CDPF1: variants seen among roughly 807,000 people sequenced by gnomAD.
The protein encoded by CDPF1 is cysteine-rich DPF motif domain-containing protein 1.
A neutral mutation model predicts 8.3 loss-of-function variants in CDPF1; 8 were observed. The ratio of observed to expected loss-of-function variants is 0.96; its 90% CI spans 0.57 to 1.74. CDPF1 has a LOEUF of 1.74. Ranked by LOEUF, CDPF1 falls within the 40% of genes most tolerant of loss-of-function variation. The pLI is 0.00. For synonymous variants in CDPF1, 62 were observed against 62.9 expected, an observed-to-expected ratio of 0.99 and a Z score of 0.07; for missense variants, 151 against 155.3, an observed-to-expected ratio of 0.97 and a Z score of 0.15.
In CDPF1 at chr22:46,247,192, T is replaced by A; in HGVS notation, c.143A>T (p.Asp48Val). The change falls in exon 3 of 4, where the codon GAT becomes GTT. Residue 48 changes from aspartate to valine, a missense_variant. Coordinates refer to ENST00000314567, the MANE Select transcript of CDPF1 (RefSeq NM_207327.5). This position sits in a 1 kb window ranked among gnomAD's most constrained non-coding sequence, Gnocchi z 4.3. ...TCTGTCCTTGTCGGAGGTGAAGGGA[T>A]CCTTCATGACATAGCTTTCCTCCAG... Reference protein sequence around the residue: ...VLLEESYVMKDPFTSDKDRFL... With the variant: ...VLLEESYVMKVPFTSDKDRFL... The A allele has an allele frequency of 1.2e-6, 2 of 1,613,796 alleles. No individual in the cohort carries two copies. Among genetic ancestry groups the A allele is most frequent in the Non-Finnish European group, 1.7e-6 (2 of 1,179,758 alleles).
chr22:46,245,328 G>A lies in CDPF1; in HGVS notation c.226-90C>T. 6.8e-7 allele frequency: 1 copy of A among 1,470,650 alleles called. No individual in the cohort carries two copies. 91.1% of individuals were successfully genotyped at this position (1,470,650 alleles called of 1,614,324 possible). On this transcript the variant is annotated intron_variant, in intron 3 of 3. Coordinates refer to ENST00000314567, the MANE Select transcript of CDPF1 (RefSeq NM_207327.5). This position sits in a 1 kb window ranked among gnomAD's most constrained non-coding sequence, Gnocchi z 6.9. Reference sequence around the variant, plus strand: ...GGCCAGCCCTTCCCACACTTGGGGGGCTGGGCTGGGGCCCCAGCATGCACA... The same window carrying A: ...GGCCAGCCCTTCCCACACTTGGGGGACTGGGCTGGGGCCCCAGCATGCACA...
rs1239652677 is a variant in CDPF1, at chr22:46,245,135, G to T, written c.329C>A (p.Ala110Asp). Residue 110 changes from alanine (A) to aspartate (D), a missense_variant, in exon 4 of 4, where the codon GCT becomes GAT. Ala to Asp is a moderately radical substitution (Grantham distance 126, BLOSUM62 -2). Coordinates refer to ENST00000314567, the MANE Select transcript of CDPF1 (RefSeq NM_207327.5). This position sits in a 1 kb window ranked among gnomAD's most constrained non-coding sequence, Gnocchi z 6.9. ...EIRQDLEKRK[A>D]PSKRTPSQPG... The stretch of plus-strand genomic sequence containing the variant: ...CTGGCTGGGGGTCCTCTTTGATGGA[G>T]CTTTCCTTTTCTCCAAGTCTTGCCG... The T allele has an allele frequency of 6.2e-7, 1 of 1,614,158 alleles. No individual in the cohort carries two copies. The highest frequency in any genetic ancestry group is 8.5e-7 in the Non-Finnish European group (1 of 1,180,052).
At position 46,244,940 on chromosome 22, in the gene CDPF1, C is replaced by T; in HGVS notation, c.*152G>A. 1 of 961,574 alleles carries T rather than the reference C, an allele frequency of 1.0e-6. No homozygotes were observed. Among genetic ancestry groups the T allele is most frequent in the Non-Finnish European group, 1.5e-6 (1 of 654,098 alleles). The allele number at this position is 961,574 out of a possible 1,614,324, so 59.6% of individuals were successfully genotyped here. A position where few individuals can be genotyped will look rare whatever the true frequency, so the allele number is the denominator to read the frequency against. The stretch of plus-strand genomic sequence containing the variant: ...TCCCTGGGCCTGTGGCTGCTCCAAG[C>T]TGGACTCCAGCTCCCCTGGGCTGCA... On this transcript the variant is annotated 3_prime_UTR_variant, in exon 4 of 4. Transcript: ENST00000314567. The surrounding 1 kb of genome is among the most constrained non-coding windows in gnomAD (Gnocchi z 6.7).
At position 46,244,830 on chromosome 22, in the gene CDPF1, C is replaced by A. The variant is rs977766588; in HGVS notation, c.*262G>T. ...GAGCAGCACTCACTCAGGCCTGGGCCCTGAGGGGCATGTGGGGGGACCTGG... is the reference window on the plus strand; with the variant it reads ...GAGCAGCACTCACTCAGGCCTGGGCACTGAGGGGCATGTGGGGGGACCTGG... On this transcript the variant is annotated 3_prime_UTR_variant, in exon 4 of 4. Transcript: ENST00000314567. This position sits in a 1 kb window ranked among gnomAD's most constrained non-coding sequence, Gnocchi z 6.7. 2 of 457,864 alleles carry A rather than the reference C, an allele frequency of 4.4e-6. No individual in the cohort carries two copies. The highest frequency in any genetic ancestry group is 8.1e-6 in the Non-Finnish European group (2 of 248,094). The allele number at this position is 457,864 out of a possible 1,614,324, so 28.4% of individuals were successfully genotyped here. A position where few individuals can be genotyped will look rare whatever the true frequency, so the allele number is the denominator to read the frequency against.
At position 46,247,038 on chromosome 22, in the gene CDPF1, C is replaced by A; in HGVS notation, c.225+72G>T. The A allele has an allele frequency of 7.2e-7, 1 of 1,393,136 alleles. No homozygotes were observed. Among genetic ancestry groups the A allele is most frequent in the South Asian group, 1.2e-5 (1 of 82,138 alleles). 86.3% of individuals were successfully genotyped at this position (1,393,136 alleles called of 1,614,324 possible). On this transcript the variant is annotated intron_variant, in intron 3 of 3. Coordinates refer to ENST00000314567, the MANE Select transcript of CDPF1 (RefSeq NM_207327.5). The surrounding 1 kb of genome is among the most constrained non-coding windows in gnomAD (Gnocchi z 4.3). ...ACCCGCTGCTCCCTCTCTCCCAGCC[C>A]TCCCTACCCAGGGAGAGCTCCAGGA...
At position 46,247,651 on chromosome 22, in the gene CDPF1, G is replaced by A. The variant is rs751083772; in HGVS notation, c.114-430C>T. ...TGCTACACATCAGAATGAGACCCCAGGGTGACATGATGACACTCAGGCTCC... is the reference window on the plus strand; with the variant it reads ...TGCTACACATCAGAATGAGACCCCAAGGTGACATGATGACACTCAGGCTCC... On this transcript the variant is annotated intron_variant, in intron 2 of 3. Transcript: ENST00000314567. The surrounding 1 kb of genome is among the most constrained non-coding windows in gnomAD (Gnocchi z 4.3). Among the ~76,000 whole-genome samples the A allele has an allele frequency of 7.2e-5, 11 of 152,108 alleles. No individual in the cohort carries two copies. The highest frequency in any genetic ancestry group is 1.5e-4 in the Non-Finnish European group (10 of 68,026).
Position 46,247,421 on chromosome 22 carries a change from C to T in CDPF1, c.114-200G>A, listed in dbSNP as rs1194234823. 1.3e-5 allele frequency among the ~76,000 whole-genome samples: 2 copies of T among 152,178 alleles called. No individual in the cohort carries two copies. The highest frequency in any genetic ancestry group is 4.8e-5 in the African/African-American group (2 of 41,436). ...TCAGCAATTGGGGGCCACACTGGCA[C>T]TGAAATTGAACCTGCTCTCACCTCT... On this transcript the variant is annotated intron_variant, in intron 2 of 3. Transcript: ENST00000314567. This position sits in a 1 kb window ranked among gnomAD's most constrained non-coding sequence, Gnocchi z 4.3.
In CDPF1 at chr22:46,245,276, TG is replaced by T. The variant is rs1433266696; in HGVS notation, c.226-39del. 1.2e-6 allele frequency: 2 copies of T among 1,607,746 alleles called. No homozygotes were observed. Among genetic ancestry groups the T allele is most frequent in the Admixed American group, 3.3e-5 (2 of 59,740 alleles). ...GACAAGGATGGAGGCTTGAGTATCC[TG>T]GGAACATGGTGCAGCTCCTCCCAGG... On this transcript the variant is annotated intron_variant, in intron 3 of 3. Transcript: ENST00000314567. This position sits in a 1 kb window ranked among gnomAD's most constrained non-coding sequence, Gnocchi z 6.9.
At position 46,248,409 on chromosome 22, in the gene CDPF1, T is replaced by C. The variant is rs1936525571; in HGVS notation, c.1-125A>G. On this transcript the variant is annotated intron_variant, in intron 1 of 3. Coordinates refer to ENST00000314567, the MANE Select transcript of CDPF1 (RefSeq NM_207327.5). The surrounding 1 kb of genome is among the most constrained non-coding windows in gnomAD (Gnocchi z 4.1). Reference sequence around the variant, plus strand: ...AGTTTCTTGCCTCCCTACCGTACCCTTTTCTCTATCCCCAGCTGAAACAGG... The same window carrying C: ...AGTTTCTTGCCTCCCTACCGTACCCCTTTCTCTATCCCCAGCTGAAACAGG... 5 of 595,432 alleles carry C rather than the reference T, an allele frequency of 8.4e-6. No homozygotes were observed. Among genetic ancestry groups the C allele is most frequent in the South Asian group, 4.3e-5 (2 of 47,056 alleles). The allele number at this position is 595,432 out of a possible 1,614,324, so 36.9% of individuals were successfully genotyped here. A position where few individuals can be genotyped will look rare whatever the true frequency, so the allele number is the denominator to read the frequency against.
Position 46,248,081 on chromosome 22 carries a change from C to T in CDPF1, c.113+91G>A. On this transcript the variant is annotated intron_variant, in intron 2 of 3. Coordinates refer to ENST00000314567, the MANE Select transcript of CDPF1 (RefSeq NM_207327.5). This position sits in a 1 kb window ranked among gnomAD's most constrained non-coding sequence, Gnocchi z 4.1. ...CCAGGGTGGGGTCTAAAGCTCCACACCTGAGACAGTTGTCAGACCTAGGCA... is the reference window on the plus strand; with the variant it reads ...CCAGGGTGGGGTCTAAAGCTCCACATCTGAGACAGTTGTCAGACCTAGGCA... The T allele has an allele frequency of 1.2e-6, 1 of 826,620 alleles. No individual in the cohort carries two copies. The allele number at this position is 826,620 out of a possible 1,614,324, so 51.2% of individuals were successfully genotyped here.
rs1352750557 is a variant in CDPF1, at chr22:46,248,207, A to G, written c.78T>C (p.Tyr26=). The G allele has an allele frequency of 3.1e-6, 5 of 1,613,706 alleles. No homozygotes were observed. Among genetic ancestry groups the G allele is most frequent in the Admixed American group, 1.7e-5 (1 of 59,990 alleles). The part of the protein sequence containing the change: ...ELCTLTAPYS[Y]VGQKPPNTQS... ...GGGTGTTGGGGGGCTTCTGTCCCAC[A>G]TAGCTGTACGGAGCTGTCAAGGTAC... The change falls in exon 2 of 4, where the codon TAT becomes TAC. Residue 26 remains tyrosine (Y), a synonymous_variant. Coordinates refer to ENST00000314567, the MANE Select transcript of CDPF1 (RefSeq NM_207327.5). This position sits in a 1 kb window ranked among gnomAD's most constrained non-coding sequence, Gnocchi z 4.1.
Position 46,247,162 on chromosome 22 carries a change from A to G in CDPF1, c.173T>C (p.Leu58Pro), listed in dbSNP as rs1936503277. 1 of 1,614,066 alleles carries G rather than the reference A, an allele frequency of 6.2e-7. No individual in the cohort carries two copies. The highest frequency in any genetic ancestry group is 1.7e-5 in the Admixed American group (1 of 60,006). Residue 58 changes from leucine (L) to proline (P), a missense_variant, in exon 3 of 4, where the codon CTG (leucine) becomes CCG (proline). Physicochemically the swap from Leu to Pro is moderately conservative, Grantham distance 98. Coordinates refer to ENST00000314567, the MANE Select transcript of CDPF1 (RefSeq NM_207327.5). The surrounding 1 kb of genome is among the most constrained non-coding windows in gnomAD (Gnocchi z 4.3). ...DPFTSDKDRF[L>P]VLGSCCSLCS... Reference sequence around the variant, plus strand: ...CAAACTGCAGCACGAGCCGAGGACCAGGAATCTGTCCTTGTCGGAGGTGAA... The same window carrying G: ...CAAACTGCAGCACGAGCCGAGGACCGGGAATCTGTCCTTGTCGGAGGTGAA...
intron 1 of CDPF1, among the ~76,000 whole-genome samples, 196 bp downstream of exon 1, chr22:46,250,060 C>A (rs1033751663): frequency 2.0e-5 from 3 of 152,324 alleles, no homozygotes; most frequent in Non-Finnish European, 4.4e-5. Flanking sequence ...TCAGGGGGGA[C>A]AGTCCCGTGA....
rs73177045 is a variant in CDPF1, at chr22:46,246,007, C to T, written c.226-769G>A. On this transcript the variant is annotated intron_variant, in intron 3 of 3. Coordinates refer to ENST00000314567, the MANE Select transcript of CDPF1 (RefSeq NM_207327.5). The surrounding 1 kb of genome is among the most constrained non-coding windows in gnomAD (Gnocchi z 7.1). ...GAAGACAACAGGGGTGCCCTTCCAG[C>T]CAAGGCCACCAGTTCTGGACTCTTA... Among the ~76,000 whole-genome samples, 7,108 of 152,276 alleles carry T rather than the reference C, an allele frequency of 0.047. 185 individuals carry two copies. The highest frequency in any genetic ancestry group is 0.056 in the Non-Finnish European group (3,811 of 68,004).
In CDPF1 at chr22:46,246,645, A is replaced by T; in HGVS notation, c.225+465T>A. 6.5e-7 allele frequency: 1 copy of T among 1,547,978 alleles called. No individual in the cohort carries two copies. Among genetic ancestry groups the T allele is most frequent in the Non-Finnish European group, 8.7e-7 (1 of 1,145,710 alleles). On this transcript the variant is annotated intron_variant, in intron 3 of 3. Transcript: ENST00000314567. The surrounding 1 kb of genome is among the most constrained non-coding windows in gnomAD (Gnocchi z 7.1). ...CTGAAGCTCAGTTCCCTCATCTATA[A>T]AATGGGTGGAATATAATACTGCTTT...
At position 46,247,276 on chromosome 22, in the gene CDPF1, T is replaced by C. The variant is rs1440618282; in HGVS notation, c.114-55A>G. 4 of 1,260,884 alleles carry C rather than the reference T, an allele frequency of 3.2e-6. No homozygotes were observed. Among genetic ancestry groups the C allele is most frequent in the Non-Finnish European group, 4.6e-6 (4 of 873,450 alleles). 78.1% of individuals were successfully genotyped at this position (1,260,884 alleles called of 1,614,324 possible). Reference sequence around the variant, plus strand: ...AGCCCAAATCTCTGCCGTCGGAAAATCAGCCATGACCTATGGCCAGGCAGC... The same window carrying C: ...AGCCCAAATCTCTGCCGTCGGAAAACCAGCCATGACCTATGGCCAGGCAGC... On this transcript the variant is annotated intron_variant, in intron 2 of 3. Coordinates refer to ENST00000314567, the MANE Select transcript of CDPF1 (RefSeq NM_207327.5). The surrounding 1 kb of genome is among the most constrained non-coding windows in gnomAD (Gnocchi z 4.3).
At position 46,248,711 on chromosome 22, in the gene CDPF1, G is replaced by A. The variant is rs935947184; in HGVS notation, c.1-427C>T. Among the ~76,000 whole-genome samples, 7 of 152,308 alleles carry A rather than the reference G, an allele frequency of 4.6e-5. No homozygotes were observed. The South Asian group carries it at 8.3e-4, about 18-fold the overall frequency. Reference sequence around the variant, plus strand: ...TCTATGCCCTCACATTAGTCCACACGTGGTGTGGACATTAGAACTGTTTTC... The same window carrying A: ...TCTATGCCCTCACATTAGTCCACACATGGTGTGGACATTAGAACTGTTTTC... On this transcript the variant is annotated intron_variant, in intron 1 of 3. Coordinates refer to ENST00000314567, the MANE Select transcript of CDPF1 (RefSeq NM_207327.5). The surrounding 1 kb of genome is among the most constrained non-coding windows in gnomAD (Gnocchi z 4.1).
Position 46,246,602 on chromosome 22 carries a change from C to T in CDPF1, c.225+508G>A, listed in dbSNP as rs918976810. The T allele has an allele frequency of 1.3e-6, 2 of 1,515,300 alleles. No homozygotes were observed. Among genetic ancestry groups the T allele is most frequent in the Admixed American group, 2.1e-5 (1 of 48,202 alleles). 93.9% of individuals were successfully genotyped at this position (1,515,300 alleles called of 1,614,324 possible). ...TGGGTTTACAGCTACCCAGGTGAACCTGGCCCACCCAGCCTCTCTGAAGCT... is the reference window on the plus strand; with the variant it reads ...TGGGTTTACAGCTACCCAGGTGAACTTGGCCCACCCAGCCTCTCTGAAGCT... On this transcript the variant is annotated intron_variant, in intron 3 of 3. Coordinates refer to ENST00000314567, the MANE Select transcript of CDPF1 (RefSeq NM_207327.5). The surrounding 1 kb of genome is among the most constrained non-coding windows in gnomAD (Gnocchi z 7.1).
rs1321360240 is a variant in CDPF1 at position 46,245,123 on chromosome 22, C to T, written c.341G>A (p.Arg114Lys). Residue 114 changes from arginine to lysine, a missense_variant, in exon 4 of 4, where the codon AGG becomes AAG. By Grantham distance (26) the Arg-to-Lys change is conservative (BLOSUM62 2). Coordinates refer to ENST00000314567, the MANE Select transcript of CDPF1 (RefSeq NM_207327.5). The surrounding 1 kb of genome is among the most constrained non-coding windows in gnomAD (Gnocchi z 6.9). ...DLEKRKAPSK[R>K]TPSQPGSRT is the part of the protein sequence containing the mutation. ...CCGAGAACCGGGCTGGCTGGGGGTC[C>T]TCTTTGATGGAGCTTTCCTTTTCTC... is the stretch of plus-strand genomic sequence containing the variant. 2 of 1,614,130 alleles carry T rather than the reference C, an allele frequency of 1.2e-6. No individual in the cohort carries two copies. Among genetic ancestry groups the T allele is most frequent in the Non-Finnish European group, 1.7e-6 (2 of 1,180,050 alleles).
Sources: allele counts gnomAD v4.1 joint callset (sites outside exome capture counted in the v4.1 genomes callset), GRCh38; gene constraint gnomAD v4.1.1; non-coding constraint Gnocchi (gnomAD v3.1); transcripts MANE v1.5; gene names NCBI Gene and HGNC (gene_info 2026-07-23, HGNC 2026-07-21).